Variants in KCNQ3 observed in about 807,000 individuals in gnomAD.
The protein encoded by KCNQ3 is potassium voltage-gated channel subfamily KQT member 3.
A neutral mutation model predicts 92.5 loss-of-function variants in KCNQ3; 30 were observed. That is an observed-to-expected ratio of 0.32 (90% confidence interval 0.24 to 0.44). The LOEUF is 0.44. Ranked by LOEUF, KCNQ3 falls within the 20% of genes least tolerant of loss-of-function variation. KCNQ3 has a pLI of 1.00. For synonymous variants in KCNQ3, 450 were observed against 468.8 expected, an observed-to-expected ratio of 0.96 and a Z score of 0.52; for missense variants, 913 against 1,140.3, an observed-to-expected ratio of 0.80 and a Z score of 2.87.
At chr8:132,315,502 A>G (rs1225947461) in intron 1 of KCNQ3, among the ~76,000 whole-genome samples, 5 of 152,066 alleles carry the variant, frequency 3.3e-5, no homozygotes, top group Non-Finnish European at 5.9e-5. Flanking sequence ...GGAAGGGAGG[A>G]GTGTAAAAGC....
intron 9 of KCNQ3, among the ~76,000 whole-genome samples, chr8:132,146,332 G>A (rs1257663049): frequency 6.6e-6 from 1 of 152,158 alleles, no homozygotes; most frequent in Non-Finnish European, 1.5e-5. Context: ...GATACATGTT[G>A]CAACATGAAT....
At chr8:132,262,430 C>G (rs1432861803) in intron 1 of KCNQ3, among the ~76,000 whole-genome samples, 2 of 152,096 alleles carry the variant, frequency 1.3e-5, no homozygotes, top group Non-Finnish European at 2.9e-5. Flanking sequence ...AAGATCTCAG[C>G]AATCAAGGTA....
At chr8:132,173,813 A>C (rs1826460678) in intron 6 of KCNQ3, among the ~76,000 whole-genome samples, 1 of 152,244 alleles carries the variant, frequency 6.6e-6, no homozygotes, top group Non-Finnish European at 1.5e-5. Context: ...TAACAGGACA[A>C]GAGAAGGGAA....
chr8:132,406,310 G>C (rs2597337), intron 1 of KCNQ3, among the ~76,000 whole-genome samples: 84,599 of 151,956 alleles, frequency 0.56, 25,403 homozygotes, highest in South Asian at 0.75. Context: ...GACTCGGGAG[G>C]ATGGGCTGAA....
intron 1 of KCNQ3, among the ~76,000 whole-genome samples, chr8:132,250,090 A>G (rs993002956): frequency 2.0e-5 from 3 of 152,142 alleles, no homozygotes; most frequent in African/African-American, 4.8e-5. Flanking sequence ...CAGACAGCCC[A>G]GAGAAGGGCT....
chr8:132,475,829 T>C (rs1190344703), intron 1 of KCNQ3, among the ~76,000 whole-genome samples: 1 of 152,188 alleles, frequency 6.6e-6, no homozygotes, highest in Non-Finnish European at 1.5e-5. Context: ...AGGAGTTGAA[T>C]GTTAATAGCC....
intron 1 of KCNQ3, among the ~76,000 whole-genome samples, chr8:132,409,271 A>T (rs1036636166): frequency 1.8e-4 from 28 of 152,144 alleles, no homozygotes; most frequent in African/African-American, 6.5e-4. Flanking sequence ...CTTAATTTAC[A>T]AACTTAAGTT....
At chr8:132,450,282 T>C (rs1195178450) in intron 1 of KCNQ3, among the ~76,000 whole-genome samples, 1 of 151,924 alleles carries the variant, frequency 6.6e-6, no homozygotes, top group Non-Finnish European at 1.5e-5. Context: ...TGGCCTATTT[T>C]ACAAACCTCT....
intron 1 of KCNQ3, among the ~76,000 whole-genome samples, chr8:132,319,605 G>A (rs1817842799): frequency 6.6e-6 from 1 of 152,144 alleles, no homozygotes; most frequent in African/African-American, 2.4e-5. Context: ...TCGTCCGATG[G>A]CCCCGGGAAT....
intron 1 of KCNQ3, among the ~76,000 whole-genome samples, chr8:132,376,300 A>G (rs930180831): frequency 2.0e-5 from 3 of 152,228 alleles, no homozygotes; most frequent in Non-Finnish European, 4.4e-5. Flanking sequence ...TTGACGGCCT[A>G]TCTTCCAATC....
intron 1 of KCNQ3, among the ~76,000 whole-genome samples, chr8:132,286,447 T>A (rs1162623650): frequency 6.6e-6 from 1 of 152,250 alleles, no homozygotes; most frequent in Non-Finnish European, 1.5e-5. Context: ...TTCCTCCCTA[T>A]CTGTTCCTTT....
intron 1 of KCNQ3, among the ~76,000 whole-genome samples, chr8:132,434,667 T>G (rs986382280): frequency 6.6e-6 from 1 of 152,210 alleles, no homozygotes; most frequent in Non-Finnish European, 1.5e-5. Context: ...ATGATGTGAA[T>G]GCAGGAAACT....
intron 1 of KCNQ3, among the ~76,000 whole-genome samples, chr8:132,303,657 G>GTGTGT (rs1817312791): frequency 1.5e-5 from 1 of 66,366 alleles, no homozygotes; most frequent in African/African-American, 5.8e-5. Context: ...ATATATTTAT[G>GTGTGT]GTGTGTGTGT....
intron 1 of KCNQ3, among the ~76,000 whole-genome samples, chr8:132,467,109 A>C (rs1477640110): frequency 6.6e-6 from 1 of 152,186 alleles, no homozygotes; most frequent in East Asian, 1.9e-4. Flanking sequence ...TCCATATTTC[A>C]GATGAGCAAA....
chr8:132,383,640 T>C (rs758725461), intron 1 of KCNQ3, among the ~76,000 whole-genome samples: 1 of 152,194 alleles, frequency 6.6e-6, no homozygotes, highest in Admixed American at 6.5e-5. Flanking sequence ...ACTGTGCTTG[T>C]TCATCTCTAC....
chr8:132,462,086 G>C (rs1822073340), intron 1 of KCNQ3, among the ~76,000 whole-genome samples: 1 of 152,164 alleles, frequency 6.6e-6, no homozygotes, highest in Non-Finnish European at 1.5e-5. Flanking sequence ...TTTTAGTCTT[G>C]ACTAACACTA....
chr8:132,315,939 A>G (rs1817731035), intron 1 of KCNQ3, among the ~76,000 whole-genome samples: 1 of 152,246 alleles, frequency 6.6e-6, no homozygotes, highest in South Asian at 2.1e-4. Flanking sequence ...GGCAGTAGGG[A>G]AACTGTCTTA....
At chr8:132,186,537 A>G (rs925252803) in intron 1 of KCNQ3, 3 of 368,590 alleles carry the variant, frequency 8.1e-6, no homozygotes, top group Admixed American at 7.5e-5. Context: ...TAAGTATATG[A>G]ATTAATTAAT....
intron 1 of KCNQ3, among the ~76,000 whole-genome samples, chr8:132,413,032 A>G (rs1379509149): frequency 6.6e-6 from 1 of 152,248 alleles, no homozygotes; most frequent in Non-Finnish European, 1.5e-5. Flanking sequence ...TATTTCTTGC[A>G]TAAGTCAAAG....
Sources: gnomAD v4.1 joint callset for allele counts (sites outside exome capture counted in the v4.1 genomes callset) on GRCh38, gnomAD v4.1.1 for gene constraint, MANE v1.5 for transcripts, NCBI Gene and HGNC (gene_info 2026-07-23, HGNC 2026-07-21) for gene names.